The following DCAF16 variants were observed in gnomAD, a reference collection of about 807,000 sequenced individuals.
The protein encoded by DCAF16 is DDB1- and CUL4-associated factor 16.
DCAF16 carries 10 observed loss-of-function variants against 17.3 expected under a neutral mutation model. The observed-to-expected ratio is 0.58, with a 90% CI of 0.36 to 0.98. DCAF16 has a LOEUF of 0.98. Among genes scored for constraint, DCAF16 ranks in the 50% least tolerant of loss-of-function variants. The pLI is 0.01. For synonymous variants in DCAF16, 111 were observed against 92.8 expected (o/e 1.20, Z -1.12); for missense variants, 249 against 247.6 (o/e 1.01, Z -0.04).
downstream of DCAF16, among the ~76,000 whole-genome samples, chr4:17,798,756 C>T (rs1719552345): frequency 6.6e-6 from 1 of 152,158 alleles, no homozygotes; most frequent in African/African-American, 2.4e-5. Flanking sequence ...GTCTCAGTTG[C>T]AAACTTAAGT....
rs768610606 is a variant in DCAF16, at chr4:17,803,865, T to C, written c.277A>G (p.Ile93Val). Residue 93 changes from isoleucine to valine, a missense_variant, in exon 3 of 3, where the codon ATA (isoleucine) becomes GTA (valine). Coordinates refer to ENST00000382247, the MANE Select transcript of DCAF16 (RefSeq NM_017741.4). ...GAACAATGGGAGAGTCTTAGACCTA[T>C]CTCTCGAAGTATATGGACTGGTGTG... is the stretch of plus-strand genomic sequence containing the variant. Reference protein sequence around the residue: ...PSTPVHILREIGLRLSHCSHC... With the variant: ...PSTPVHILREVGLRLSHCSHC... The C allele has an allele frequency of 1.1e-5, 18 of 1,614,090 alleles. No individual in the cohort carries two copies. The highest frequency in any genetic ancestry group is 1.7e-5 in the Admixed American group (1 of 60,008).
In DCAF16 at chr4:17,803,724, T is replaced by C. The variant is rs770837558; in HGVS notation, c.418A>G (p.Thr140Ala). Residue 140 changes from threonine (T) to alanine (A), a missense_variant, in exon 3 of 3, where the codon ACT becomes GCT. By Grantham distance (58) the Thr-to-Ala change is moderately conservative (BLOSUM62 0). Transcript: ENST00000382247. ...SPSRLSRDHA[T>A]LNGALQFATK... ...GCAAATTGCAGTGCTCCATTTAGAG[T>C]GGCATGATCTCTAGAGAGCCGGCTG... The C allele has an allele frequency of 1.2e-6, 2 of 1,614,094 alleles. No individual in the cohort carries two copies. The highest frequency in any genetic ancestry group is 2.2e-5 in the South Asian group (2 of 91,070).
Position 17,804,210 on chromosome 4 carries a change from G to A in DCAF16, c.-69C>T. On this transcript the variant is annotated 5_prime_UTR_variant, in exon 3 of 3. Transcript: ENST00000382247. ...AGCCAGCAGAACACTGACTAACACT[G>A]GCAAATAGAAATAAGAGATGAAAAA... 2 of 1,293,388 alleles carry A rather than the reference G, an allele frequency of 1.5e-6. No individual in the cohort carries two copies. The highest frequency in any genetic ancestry group is 2.2e-6 in the Non-Finnish European group (2 of 928,328). 80.1% of individuals were successfully genotyped at this position (1,293,388 alleles called of 1,614,324 possible).
chr4:17,798,064 T>C (rs1334887663), downstream of DCAF16, among the ~76,000 whole-genome samples: 3 of 152,202 alleles, frequency 2.0e-5, no homozygotes, highest in Non-Finnish European at 4.4e-5. Flanking sequence ...GAAGTCAGTT[T>C]TAATCTTGTT....
At chr4:17,798,501 T>C (rs182671954), downstream of DCAF16, among the ~76,000 whole-genome samples, 18 of 151,618 alleles carry the variant, frequency 1.2e-4, no homozygotes, top group East Asian at 3.5e-3. Context: ...GAGGCTGAGG[T>C]GGGAGGATGG....
In DCAF16 at chr4:17,803,747, C is replaced by A; in HGVS notation, c.395G>T (p.Ser132Ile). 1.2e-6 allele frequency: 2 copies of A among 1,614,130 alleles called. No individual in the cohort carries two copies. Among genetic ancestry groups the A allele is most frequent in the East Asian group, 4.5e-5 (2 of 44,886 alleles). The change falls in exon 3 of 3, where the codon AGC becomes ATC. Residue 132 changes from serine to isoleucine, a missense_variant. By Grantham distance (142) the Ser-to-Ile change is moderately radical. Transcript: ENST00000382247. ...PPFQKPLTSPSRLSRDHATLN... is the reference protein window; with the variant it reads ...PPFQKPLTSPIRLSRDHATLN... Reference sequence around the variant, plus strand: ...AGTGGCATGATCTCTAGAGAGCCGGCTGGGACTTGTAAGAGGCTTTTGAAA... The same window carrying A: ...AGTGGCATGATCTCTAGAGAGCCGGATGGGACTTGTAAGAGGCTTTTGAAA...
chr4:17,797,850 T>C (rs1215246138), downstream of DCAF16, among the ~76,000 whole-genome samples: 14 of 152,026 alleles, frequency 9.2e-5, no homozygotes, highest in Admixed American at 9.2e-4. Context: ...CATCAGCTGA[T>C]ACATTGGAGT....
rs147869831 is a variant in DCAF16 at position 17,803,392 on chromosome 4, G to C, written c.*99C>G. ...CTCATTGGCTTGCCAGGGCATAAGA[G>C]AGTTTGACTGAGAAGGCATTAGTGG... On this transcript the variant is annotated 3_prime_UTR_variant, in exon 3 of 3. Coordinates refer to ENST00000382247, the MANE Select transcript of DCAF16 (RefSeq NM_017741.4). 2,501 of 1,144,308 alleles carry C rather than the reference G, an allele frequency of 2.2e-3. 20 individuals carry two copies. Among genetic ancestry groups the C allele is most frequent in the Non-Finnish European group, 1.8e-3 (1,392 of 781,838 alleles). 70.9% of individuals were successfully genotyped at this position (1,144,308 alleles called of 1,614,324 possible).
rs75083892 is a variant in DCAF16, at chr4:17,804,629, G to T, written c.-488C>A. ...CGCTGGTATAGCAACTTTTGTGCAGGGGGGAATGACGGGATGAGCTGTCAA... is the reference window on the plus strand; with the variant it reads ...CGCTGGTATAGCAACTTTTGTGCAGTGGGGAATGACGGGATGAGCTGTCAA... On this transcript the variant is annotated 5_prime_UTR_variant, in exon 3 of 3. Transcript: ENST00000382247. The T allele has an allele frequency of 5.1e-5, 9 of 177,094 alleles. 1 individual carries two copies. The East Asian group carries it at 1.6e-3, about 32-fold the overall frequency. The allele number at this position is 177,094 out of a possible 1,614,324, so 11.0% of individuals were successfully genotyped here.
In DCAF16 at chr4:17,805,155, T is replaced by C. The variant is rs1041678239; in HGVS notation, c.-679A>G. ...AGTTTTAGGGGGCCTGTCCTGGTGG[T>C]AGAGCTGCTAGATGTTAGGACTCTT... On this transcript the variant is annotated 5_prime_UTR_variant, in exon 2 of 3. Coordinates refer to ENST00000382247, the MANE Select transcript of DCAF16 (RefSeq NM_017741.4). The C allele has an allele frequency of 1.5e-4, 22 of 150,440 alleles. No homozygotes were observed. The highest frequency in any genetic ancestry group is 5.4e-4 in the African/African-American group (22 of 40,598). The allele number at this position is 150,440 out of a possible 1,614,324, so 9.3% of individuals were successfully genotyped here.
chr4:17,810,339 C>G (rs888840582), intron 1 of DCAF16, 108 bp downstream of exon 1: 3 of 152,586 alleles, frequency 2.0e-5, no homozygotes, highest in African/African-American at 4.8e-5. Context: ...GCCCGCACCC[C>G]CCTTCGCAAC....
chr4:17,795,424 T>C, the DCAF16 span, among the ~76,000 whole-genome samples: 1 of 152,080 alleles, frequency 6.6e-6, no homozygotes, highest in Non-Finnish European at 1.5e-5. Context: ...TCTTATTATT[T>C]CCGGGAAATG....
downstream of DCAF16, among the ~76,000 whole-genome samples, chr4:17,799,400 T>C (rs1206068898): frequency 2.6e-5 from 4 of 152,370 alleles, no homozygotes; most frequent in African/African-American, 9.6e-5. Flanking sequence ...TAATTTCCTA[T>C]GTGTAGTAAT....
At chr4:17,808,399 T>C (rs1306007360) in intron 1 of DCAF16, among the ~76,000 whole-genome samples, 3 of 152,222 alleles carry the variant, frequency 2.0e-5, no homozygotes, top group Non-Finnish European at 4.4e-5. Flanking sequence ...TCAGTTATTA[T>C]GTTACTCAGA....
downstream of DCAF16, among the ~76,000 whole-genome samples, chr4:17,797,657 T>G (rs925048782): frequency 2.0e-5 from 3 of 152,222 alleles, no homozygotes; most frequent in African/African-American, 4.8e-5. Flanking sequence ...CACCCTTCTT[T>G]CACCAGAGCT....
chr4:17,806,019 T>C (rs1720290801), intron 1 of DCAF16, among the ~76,000 whole-genome samples: 1 of 152,212 alleles, frequency 6.6e-6, no homozygotes, highest in Admixed American at 6.5e-5. Context: ...CCATGTTGAC[T>C]GAGACTGATA....
chr4:17,805,250 A>G (rs971185185), intron 1 of DCAF16, 25 bp from the exon 2 acceptor site: 2 of 152,130 alleles, frequency 1.3e-5, no homozygotes, highest in African/African-American at 2.4e-5. Flanking sequence ...AGAAAAAAGC[A>G]TGAAAACTGA....
the DCAF16 span, among the ~76,000 whole-genome samples, chr4:17,795,025 T>G: frequency 2.6e-5 from 4 of 152,192 alleles, no homozygotes; most frequent in Admixed American, 2.6e-4. Context: ...TCCCTCATTT[T>G]GGTAAAGCAC....
rs1256820437 is a variant in DCAF16, at chr4:17,802,752, G to T, written c.*739C>A. The T allele has an allele frequency of 1.3e-5, 2 of 152,108 alleles. No homozygotes were observed. The highest frequency in any genetic ancestry group is 4.8e-5 in the African/African-American group (2 of 41,426). The allele number at this position is 152,108 out of a possible 1,614,324, so 9.4% of individuals were successfully genotyped here. ...TAGCCCTGCCATTTTCCTTTGTGTA[G>T]TTACTCAATTTAATTCAACTACTTC... On this transcript the variant is annotated 3_prime_UTR_variant, in exon 3 of 3. Coordinates refer to ENST00000382247, the MANE Select transcript of DCAF16 (RefSeq NM_017741.4).
Sources: gnomAD v4.1 joint callset for allele counts (sites outside exome capture counted in the v4.1 genomes callset) on GRCh38, gnomAD v4.1.1 for gene constraint, MANE v1.5 for transcripts, NCBI Gene and HGNC (gene_info 2026-07-23, HGNC 2026-07-21) for gene names.